Variants in SLAMF8 observed in about 807,000 individuals in gnomAD.
SLAMF8 encodes the protein SLAM family member 8, also known as B lymphocyte activator macrophage expressed.
A neutral mutation model predicts 29.0 loss-of-function variants in SLAMF8; 23 were observed. The observed-to-expected ratio is 0.79, with a 90% CI of 0.57 to 1.13. The LOEUF (loss-of-function observed/expected upper bound fraction) is 1.13, where lower values mean the gene tolerates loss of function less well. Ranked by LOEUF, SLAMF8 falls within the 50% of genes most tolerant of loss-of-function variation. The pLI, the probability that SLAMF8 is intolerant of heterozygous loss-of-function variation, is 0.00. For synonymous variants in SLAMF8, 139 were observed against 145.6 expected (o/e 0.96, Z 0.32); for missense variants, 381 against 353.1 (o/e 1.08, Z -0.63).
In SLAMF8 at chr1:159,836,240, A is replaced by C; in HGVS notation, c.*980A>C. ...ACTGAGGCACTCTAGAATCTGCCAC[A>C]TTCATTTTCAAATGCAAATGCAGAA... On this transcript the variant is annotated 3_prime_UTR_variant, in exon 5 of 5. Transcript: ENST00000289707. 1 of 985,500 alleles carries C rather than the reference A, an allele frequency of 1.0e-6. No homozygotes were observed. Among genetic ancestry groups the C allele is most frequent in the Non-Finnish European group, 1.2e-6 (1 of 829,946 alleles). 61.0% of individuals were successfully genotyped at this position (985,500 alleles called of 1,614,324 possible).
intron 1 of SLAMF8, among the ~76,000 whole-genome samples, chr1:159,829,228 A>T (rs577782783): frequency 1.3e-5 from 2 of 152,200 alleles, no homozygotes; most frequent in South Asian, 4.2e-4. Context: ...CTTTCTAACC[A>T]TGCATCTAAT....
Position 159,835,245 on chromosome 1 carries a change from G to A in SLAMF8, c.843G>A (p.Val281=). 1 of 1,613,958 alleles carries A rather than the reference G, an allele frequency of 6.2e-7. No individual in the cohort carries two copies. Among genetic ancestry groups the A allele is most frequent in the Non-Finnish European group, 8.5e-7 (1 of 1,179,978 alleles). Residue 281 remains valine, a synonymous_variant, in exon 5 of 5, where the codon GTG becomes GTA. Transcript: ENST00000289707. ...RVGPETENPL[V]QDLP is the part of the protein sequence containing the mutation. The stretch of plus-strand genomic sequence containing the variant: ...GTCCAGAGACAGAGAACCCCCTTGT[G>A]CAGGATCTGCCATAAAGGACAATAT...
chr1:159,833,061 G>A lies in SLAMF8; in HGVS notation c.553G>A (p.Val185Met), dbSNP rs773741335. The A allele has an allele frequency of 1.9e-6, 3 of 1,614,110 alleles. No homozygotes were observed. Among genetic ancestry groups the A allele is most frequent in the South Asian group, 2.2e-5 (2 of 91,092 alleles). Residue 185 changes from valine to methionine, a missense_variant, in exon 3 of 5, where the codon GTG (valine) becomes ATG (methionine). Val to Met is a conservative substitution (Grantham distance 21, BLOSUM62 1). Coordinates refer to ENST00000289707, the MANE Select transcript of SLAMF8 (RefSeq NM_020125.3). ...EPHSLFTDGQ[V>M]LSISLGPGDR... The stretch of plus-strand genomic sequence containing the variant: ...ACACAGCCTCTTCACAGACGGACAG[G>A]TGCTGAGCATTTCCCTGGGACCAGG...
rs943170324 is a variant in SLAMF8, at chr1:159,835,504, G to A, written c.*244G>A. ...ATCCTGGCTCTTCTCTGGGCAAGAT[G>A]AGCCAAGCAGAACATTCCATCCAGG... On this transcript the variant is annotated 3_prime_UTR_variant, in exon 5 of 5. Coordinates refer to ENST00000289707, the MANE Select transcript of SLAMF8 (RefSeq NM_020125.3). The A allele has an allele frequency of 1.6e-6, 2 of 1,284,792 alleles. No homozygotes were observed. Among genetic ancestry groups the A allele is most frequent in the Non-Finnish European group, 2.0e-6 (2 of 1,015,678 alleles). 79.6% of individuals were successfully genotyped at this position (1,284,792 alleles called of 1,614,324 possible).
chr1:159,837,214 T>A lies in SLAMF8; in HGVS notation c.*1954T>A. 5 of 985,452 alleles carry A rather than the reference T, an allele frequency of 5.1e-6. No homozygotes were observed. The highest frequency in any genetic ancestry group is 6.0e-6 in the Non-Finnish European group (5 of 829,970). The allele number at this position is 985,452 out of a possible 1,614,324, so 61.0% of individuals were successfully genotyped here. A position where few individuals can be genotyped will look rare whatever the true frequency, so the allele number is the denominator to read the frequency against. ...GTGCACCAGGGCCTTGTTGAACAGA[T>A]CCACACTGCTCTAATAAAGTTCCCA... is the stretch of plus-strand genomic sequence containing the variant. On this transcript the variant is annotated 3_prime_UTR_variant, in exon 5 of 5. Transcript: ENST00000289707.
At chr1:159,830,213 C>A in intron 2 of SLAMF8, 21 bp downstream of exon 2, 1 of 1,544,282 alleles carries the variant, frequency 6.5e-7, no homozygotes, top group South Asian at 1.3e-5. Context: ...CTGACACTGG[C>A]TGCCTGGCCC....
intron 2 of SLAMF8, among the ~76,000 whole-genome samples, chr1:159,831,131 C>T (rs1343844407): frequency 6.6e-6 from 1 of 152,108 alleles, no homozygotes; most frequent in East Asian, 1.9e-4. Flanking sequence ...ATTTATCTAC[C>T]TAATGGGCTA....
At chr1:159,832,072 G>A (rs1477369448) in intron 2 of SLAMF8, among the ~76,000 whole-genome samples, 4 of 152,074 alleles carry the variant, frequency 2.6e-5, no homozygotes, top group Non-Finnish European at 5.9e-5. Context: ...CTGAGACTCA[G>A]GATTTACTCA....
rs1261083365 is a variant in SLAMF8 at position 159,835,743 on chromosome 1, T to G, written c.*483T>G. On this transcript the variant is annotated 3_prime_UTR_variant, in exon 5 of 5. Coordinates refer to ENST00000289707, the MANE Select transcript of SLAMF8 (RefSeq NM_020125.3). Reference sequence around the variant, plus strand: ...CAGCTTCAGCCCCAGACCCTGCAGTTTGAGATCTGATGCTTCCTGAGGGCC... The same window carrying G: ...CAGCTTCAGCCCCAGACCCTGCAGTGTGAGATCTGATGCTTCCTGAGGGCC... 2.0e-6 allele frequency: 2 copies of G among 985,844 alleles called. No individual in the cohort carries two copies. Among genetic ancestry groups the G allele is most frequent in the African/African-American group, 3.5e-5 (2 of 57,232 alleles). The allele number at this position is 985,844 out of a possible 1,614,324, so 61.1% of individuals were successfully genotyped here. A position where few individuals can be genotyped will look rare whatever the true frequency, so the allele number is the denominator to read the frequency against.
Position 159,830,475 on chromosome 1 carries a change from C to T in SLAMF8, c.367+283C>T, listed in dbSNP as rs539426775. 1.3e-3 allele frequency among the ~76,000 whole-genome samples: 193 copies of T among 152,340 alleles called. 1 individual carries two copies. In the Middle Eastern group the frequency reaches 0.014, roughly 11 times the overall value. On this transcript the variant is annotated intron_variant, in intron 2 of 4. Transcript: ENST00000289707. Reference sequence around the variant, plus strand: ...CAATGCTTAGCCTCCCTGGCCTTCACCTTTCTCCTTTGTAAATGGGCATTG... The same window carrying T: ...CAATGCTTAGCCTCCCTGGCCTTCATCTTTCTCCTTTGTAAATGGGCATTG...
Position 159,830,050 on chromosome 1 carries a change from CT to C in SLAMF8, c.227del (p.Phe76SerfsTer29). On this transcript the variant is annotated frameshift_variant, in exon 2 of 5. Transcript: ENST00000289707. LOFTEE classifies it high-confidence loss of function. Reference sequence around the variant, plus strand: ...CCCTGGAGACTCTGTACCATTCCCGCTTCCTGGGCCGAGCCCAGCTACACAG... The same window carrying C: ...CCCTGGAGACTCTGTACCATTCCCGCTCCTGGGCCGAGCCCAGCTACACAG... ...GSLETLYHSR[F>X]LGRAQLHSNL... 1.2e-6 allele frequency: 2 copies of C among 1,614,266 alleles called. No homozygotes were observed. The highest frequency in any genetic ancestry group is 4.5e-5 in the East Asian group (2 of 44,884).
chr1:159,828,149 A>C (rs1663742950), intron 1 of SLAMF8, among the ~76,000 whole-genome samples: 1 of 152,196 alleles, frequency 6.6e-6, no homozygotes, highest in Non-Finnish European at 1.5e-5. Context: ...ATAATTTTTC[A>C]AATGGCCCTT....
intron 4 of SLAMF8, chr1:159,834,786 A>G (rs1647786147): frequency 5.8e-6 from 1 of 173,578 alleles, no homozygotes; most frequent in South Asian, 1.4e-4. Flanking sequence ...ACTTAGTGTC[A>G]TGTCCTCAAG....
chr1:159,826,942 A>G lies in SLAMF8; in HGVS notation c.40+4A>G, dbSNP rs1047028954. 6.2e-7 allele frequency: 1 copy of G among 1,613,976 alleles called. No homozygotes were observed. Among genetic ancestry groups the G allele is most frequent in the Admixed American group, 1.7e-5 (1 of 59,996 alleles). ...TGGAGTCTGCTTCTCTGGGAAGGTA[A>G]GTGGGGCAGGCAGATAGCCTGTCCT... On this transcript the variant is annotated splice_donor_region_variant and intron_variant, in intron 1 of 4. Transcript: ENST00000289707.
At position 159,830,078 on chromosome 1, in the gene SLAMF8, A is replaced by C; in HGVS notation, c.253A>C (p.Asn85His). 6.2e-7 allele frequency: 1 copy of C among 1,614,224 alleles called. No homozygotes were observed. Among genetic ancestry groups the C allele is most frequent in the Non-Finnish European group, 8.5e-7 (1 of 1,180,034 alleles). Residue 85 changes from asparagine to histidine, a missense_variant, in exon 2 of 5, where the codon AAC (asparagine) becomes CAC (histidine). Physicochemically the swap from Asn to His is moderately conservative, Grantham distance 68 (BLOSUM62 1). Coordinates refer to ENST00000289707, the MANE Select transcript of SLAMF8 (RefSeq NM_020125.3). ...RFLGRAQLHS[N>H]LSLELGPLES... Reference sequence around the variant, plus strand: ...CCTGGGCCGAGCCCAGCTACACAGCAACCTCAGCCTGGAGCTCGGGCCGCT... The same window carrying C: ...CCTGGGCCGAGCCCAGCTACACAGCCACCTCAGCCTGGAGCTCGGGCCGCT...
intron 2 of SLAMF8, among the ~76,000 whole-genome samples, chr1:159,832,014 G>A (rs1037246652): frequency 1.3e-5 from 2 of 152,134 alleles, no homozygotes; most frequent in African/African-American, 2.4e-5. Flanking sequence ...GTCAGAGACT[G>A]AGCCCTCCTG....
At chr1:159,830,624 C>G (rs971543174) in intron 2 of SLAMF8, among the ~76,000 whole-genome samples, 2 of 152,036 alleles carry the variant, frequency 1.3e-5, no homozygotes, top group Non-Finnish European at 2.9e-5. Flanking sequence ...AGATGTGCCA[C>G]TAGTCTATGT....
At chr1:159,827,098 G>A (rs1312799969) in intron 1 of SLAMF8, among the ~76,000 whole-genome samples, 160 bp downstream of exon 1, 1 of 152,236 alleles carries the variant, frequency 6.6e-6, no homozygotes, top group African/African-American at 2.4e-5. Context: ...AACATTTTAA[G>A]CTAGGCAGAT....
At chr1:159,834,106 G>A (rs577339760) in intron 4 of SLAMF8, among the ~76,000 whole-genome samples, 16 of 152,186 alleles carry the variant, frequency 1.1e-4, no homozygotes, top group African/African-American at 2.9e-4. Context: ...TTCCTCTGCC[G>A]CAGGATGCCC....
Sources: gnomAD v4.1 joint callset for allele counts (sites outside exome capture counted in the v4.1 genomes callset) on GRCh38, gnomAD v4.1.1 for gene constraint, MANE v1.5 for transcripts, NCBI Gene and HGNC (gene_info 2026-07-23, HGNC 2026-07-21) for gene names.